The following MEF2B variants were observed in gnomAD, a reference collection of about 807,000 sequenced individuals.
MEF2B encodes the protein myocyte enhancer factor 2B.
MEF2B carries 15 observed loss-of-function variants against 32.2 expected under a neutral mutation model. That is an observed-to-expected ratio of 0.47 (90% confidence interval 0.31 to 0.72). The LOEUF is 0.72. Among genes scored for constraint, MEF2B ranks in the 30% least tolerant of loss-of-function variants. MEF2B has a pLI of 0.05. For missense variants in MEF2B, 441 were observed against 511.5 expected, an observed-to-expected ratio of 0.86 and a Z score of 1.33; for synonymous variants, 205 against 225.6, an observed-to-expected ratio of 0.91 and a Z score of 0.82.
intron 1 of MEF2B, among the ~76,000 whole-genome samples, chr19:19,152,391 AAG>A (rs1491056357): frequency 1.1e-4 from 16 of 145,476 alleles, no homozygotes; most frequent in South Asian, 2.3e-4. Context: ...AAAAAAAAAA[AAG>A]AAAAAGAAAA....
At chr19:19,146,917 A>G in intron 5 of MEF2B, 42 bp from the exon 6 acceptor site, 3 of 1,591,086 alleles carry the variant, frequency 1.9e-6, no homozygotes, top group Non-Finnish European at 2.6e-6. Flanking sequence ...CAGGCAGGCC[A>G]TGTCAACTAA....
At chr19:19,165,163 C>T (rs988986687) in intron 1 of MEF2B, among the ~76,000 whole-genome samples, 1 of 152,110 alleles carries the variant, frequency 6.6e-6, no homozygotes, top group African/African-American at 2.4e-5. Flanking sequence ...AGAGCAAGGC[C>T]TCCCCCCATC....
intron 8 of MEF2B, 58 bp from the exon 9 acceptor site, chr19:19,146,080 G>A: frequency 7.4e-7 from 1 of 1,352,940 alleles, no homozygotes; most frequent in Non-Finnish European, 9.7e-7. Context: ...AAGGAAGCCA[G>A]GGGATGGCAC....
Position 19,145,819 on chromosome 19 carries a change from A to G in MEF2B, c.1085T>C (p.Leu362Ser). 2 of 1,534,016 alleles carry G rather than the reference A, an allele frequency of 1.3e-6. No homozygotes were observed. Among genetic ancestry groups the G allele is most frequent in the Non-Finnish European group, 1.8e-6 (2 of 1,137,316 alleles). ...RPGPALRRLP[L>S]ADGWPR ...CTCCTACCGGGGCCAGCCGTCGGCC[A>G]AGGGCAGCCGGCGCAGGGCGGGCCC... The change falls in exon 9 of 9, where the codon TTG becomes TCG. Residue 362 changes from leucine (L) to serine (S), a missense_variant. Transcript: ENST00000424583. This position sits in a 1 kb window ranked among gnomAD's most constrained non-coding sequence, Gnocchi z 4.6.
intron 3 of MEF2B, 130 bp from the exon 4 acceptor site, chr19:19,147,962 T>A: frequency 7.0e-7 from 1 of 1,421,348 alleles, no homozygotes; most frequent in Non-Finnish European, 9.2e-7. Context: ...CATGGCCTGC[T>A]CTAGCCAAAC....
In MEF2B at chr19:19,146,559, G is replaced by A; in HGVS notation, c.765C>T (p.Pro255=). 1 of 1,563,578 alleles carries A rather than the reference G, an allele frequency of 6.4e-7. No homozygotes were observed. Among genetic ancestry groups the A allele is most frequent in the Non-Finnish European group, 8.6e-7 (1 of 1,157,194 alleles). The change falls in exon 7 of 9, where the codon CCC becomes CCT. Residue 255 remains proline, a synonymous_variant. Transcript: ENST00000424583. ...AGGGCAGGTTAGGGGATGTACCTGGGGGGCCTCCGGGGAGGAAGGGGAAGC... is the reference window on the plus strand; with the variant it reads ...AGGGCAGGTTAGGGGATGTACCTGGAGGGCCTCCGGGGAGGAAGGGGAAGC... ...LGSFPFLPGG[P]PEYGLGDPPP...
intron 1 of MEF2B, among the ~76,000 whole-genome samples, chr19:19,156,845 C>T (rs911421949): frequency 3.3e-5 from 5 of 151,930 alleles, no homozygotes; most frequent in Admixed American, 6.6e-5. Flanking sequence ...ATAGAGATGG[C>T]GATTTGCTGT....
chr19:19,147,215 C>A, intron 4 of MEF2B, 32 bp from the exon 5 acceptor site: 1 of 1,357,728 alleles, frequency 7.4e-7, no homozygotes, highest in Admixed American at 2.8e-5. Flanking sequence ...GTCAGAGGAC[C>A]CCAGGCCAGA....
rs546865109 is a variant in MEF2B at position 19,147,056 on chromosome 19, G to A, written c.521C>T (p.Ala174Val). The change falls in exon 5 of 9, where the codon GCC (alanine) becomes GTC (valine). Residue 174 changes from alanine (A) to valine (V), a missense_variant. By Grantham distance (64) the Ala-to-Val change is moderately conservative. Around this residue, in one of 2 missense-constraint regions of MEF2B, gnomAD observed 326 missense variants for 328.4 expected, o/e 0.99. Coordinates refer to ENST00000424583, the MANE Select transcript of MEF2B (RefSeq NM_001145785.2). ...CTCACCTGGGGGCCCGGCTTTGGGG[G>A]CTGCTGGTCGGAAGGGAGATGGGCG... Reference protein sequence around the residue: ...QSRPSPFRPAAPKAGPPGLVH... With the variant: ...QSRPSPFRPAVPKAGPPGLVH... The A allele has an allele frequency of 1.2e-6, 2 of 1,605,384 alleles. No individual in the cohort carries two copies. The highest frequency in any genetic ancestry group is 1.3e-5 in the African/African-American group (1 of 74,612).
At chr19:19,148,680 C>CTTATTTAT (rs200858994) in intron 3 of MEF2B, among the ~76,000 whole-genome samples, 136 of 142,252 alleles carry the variant, frequency 9.6e-4, no homozygotes, top group East Asian at 2.3e-3. Context: ...ACTCCTCTGT[C>CTTATTTAT]TTATTTATTT....
Position 19,150,538 on chromosome 19 carries a change from A to G in MEF2B, c.54+144T>C, listed in dbSNP as rs2060070161. On this transcript the variant is annotated intron_variant, in intron 2 of 8. Transcript: ENST00000424583. ...GACTTCATCTCAAAAAAAAAAAAAA[A>G]AAAAAGAAAGGCTGACATGGCATCA... 5 of 1,140,866 alleles carry G rather than the reference A, an allele frequency of 4.4e-6. No individual in the cohort carries two copies. The South Asian group carries it at 7.0e-5, about 16-fold the overall frequency. 70.7% of individuals were successfully genotyped at this position (1,140,866 alleles called of 1,614,324 possible).
At chr19:19,160,278 A>C (rs2060150634) in intron 1 of MEF2B, among the ~76,000 whole-genome samples, 1 of 151,774 alleles carries the variant, frequency 6.6e-6, no homozygotes, top group Non-Finnish European at 1.5e-5. Context: ...GCCTCTATTG[A>C]ACTTTTCTTC....
chr19:19,149,001 C>T (rs1160842586), intron 3 of MEF2B, among the ~76,000 whole-genome samples: 1 of 151,802 alleles, frequency 6.6e-6, no homozygotes, highest in African/African-American at 2.4e-5. Flanking sequence ...TGGGAGCCAC[C>T]GTGCCCTGCC....
chr19:19,155,680 G>A (rs1405941373), intron 1 of MEF2B, among the ~76,000 whole-genome samples: 1 of 152,214 alleles, frequency 6.6e-6, no homozygotes, highest in East Asian at 1.9e-4. Context: ...AGAATGCGGA[G>A]GCGGCAGGCC....
At chr19:19,167,137 G>A (rs890694231) in intron 1 of MEF2B, among the ~76,000 whole-genome samples, 12 of 152,092 alleles carry the variant, frequency 7.9e-5, no homozygotes, top group Non-Finnish European at 1.5e-4. Context: ...GATCACCTGT[G>A]ATCAGGAGTT....
intron 1 of MEF2B, among the ~76,000 whole-genome samples, chr19:19,161,869 G>A (rs189876596): frequency 6.6e-5 from 10 of 151,160 alleles, no homozygotes; most frequent in South Asian, 6.3e-4. Flanking sequence ...GTGCAGTGGC[G>A]TGTTCTCTGC....
chr19:19,146,815 T>C lies in MEF2B; in HGVS notation c.602A>G (p.Tyr201Cys), dbSNP rs1195649670. 1 of 1,613,576 alleles carries C rather than the reference T, an allele frequency of 6.2e-7. No individual in the cohort carries two copies. Among genetic ancestry groups the C allele is most frequent in the Admixed American group, 1.7e-5 (1 of 59,968 alleles). Residue 201 changes from tyrosine (Y) to cysteine (C), a missense_variant, in exon 6 of 9, where the codon TAC becomes TGC. By Grantham distance (194) the Tyr-to-Cys change is radical. This residue lies in a region of MEF2B where 326 missense variants were observed against 328.4 expected (regional missense o/e 0.99). Transcript: ENST00000424583. Reference sequence around the variant, plus strand: ...TGACCTCCGCCCTTCCGTCGGCAGGTACAGTGGGGGTGGTGTCTTGCTGGT... The same window carrying C: ...TGACCTCCGCCCTTCCGTCGGCAGGCACAGTGGGGGTGGTGTCTTGCTGGT... ...HLTSKTPPPLYLPTEGRRSDL... is the reference protein window; with the variant it reads ...HLTSKTPPPLCLPTEGRRSDL...
intron 1 of MEF2B, among the ~76,000 whole-genome samples, chr19:19,169,392 G>C (rs918483746): frequency 6.6e-6 from 1 of 151,892 alleles, no homozygotes; most frequent in African/African-American, 2.4e-5. Flanking sequence ...AAAAGAAAAT[G>C]GGGGTCTCAC....
Position 19,146,803 on chromosome 19 carries a change from T to C in MEF2B, c.614A>G (p.Glu205Gly), listed in dbSNP as rs2060030359. 2 of 1,613,804 alleles carry C rather than the reference T, an allele frequency of 1.2e-6. No homozygotes were observed. Among genetic ancestry groups the C allele is most frequent in the Non-Finnish European group, 1.7e-6 (2 of 1,179,914 alleles). ...KTPPPLYLPT[E>G]GRRSDLPGGL... The stretch of plus-strand genomic sequence containing the variant: ...ACCAGGCAGGTCTGACCTCCGCCCT[T>C]CCGTCGGCAGGTACAGTGGGGGTGG... The change falls in exon 6 of 9, where the codon GAA becomes GGA. Residue 205 changes from glutamate to glycine, a missense_variant. Glu to Gly is a moderately conservative substitution (Grantham distance 98). Transcript: ENST00000424583.
Sources: allele counts gnomAD v4.1 joint callset (sites outside exome capture counted in the v4.1 genomes callset), GRCh38; gene constraint gnomAD v4.1.1; regional missense constraint gnomAD v4.1.1; non-coding constraint Gnocchi (gnomAD v3.1); transcripts MANE v1.5; gene names NCBI Gene and HGNC (gene_info 2026-07-23, HGNC 2026-07-21).